The following FGFR2 variants were observed in gnomAD, a reference collection of about 807,000 sequenced individuals.
FGFR2 encodes the protein fibroblast growth factor receptor 2, also known as BEK fibroblast growth factor receptor.
In FGFR2, 19 loss-of-function variants were observed where a neutral mutation model predicts 95.9. The ratio of observed to expected loss-of-function variants is 0.20; its 90% CI spans 0.14 to 0.29. The LOEUF is 0.29. FGFR2 is among the 10% of genes least tolerant of loss of function. The pLI is 1.00. For missense variants in FGFR2, 707 were observed against 1,056.9 expected, an observed-to-expected ratio of 0.67 and a Z score of 4.59; for synonymous variants, 392 against 393.3, an observed-to-expected ratio of 1.00 and a Z score of 0.04.
intron 5 of FGFR2, among the ~76,000 whole-genome samples, chr10:121,540,952 A>G (rs1221394860): frequency 1.3e-5 from 2 of 152,076 alleles, no homozygotes; most frequent in Admixed American, 6.5e-5. Context: ...TGACACATTA[A>G]ATCTTGGCAT....
intron 4 of FGFR2, among the ~76,000 whole-genome samples, chr10:121,563,509 C>T (rs1169695691): frequency 6.6e-6 from 1 of 151,990 alleles, no homozygotes; most frequent in Non-Finnish European, 1.5e-5. Context: ...ATCCCAATAC[C>T]CTATGTACAA....
intron 2 of FGFR2, among the ~76,000 whole-genome samples, chr10:121,568,910 G>T (rs907266422): frequency 1.1e-4 from 16 of 152,146 alleles, no homozygotes; most frequent in African/African-American, 3.9e-4. Flanking sequence ...CTGGTGAAGG[G>T]TGCTGCCCTG....
chr10:121,501,319 T>C (rs2134019529), intron 10 of FGFR2, among the ~76,000 whole-genome samples: 1 of 152,322 alleles, frequency 6.6e-6, no homozygotes, highest in Admixed American at 6.5e-5. Flanking sequence ...ACTGTTCTTA[T>C]TTTTTTGTCC....
intron 14 of FGFR2, 78 bp downstream of exon 14, chr10:121,487,913 A>G: frequency 6.3e-7 from 1 of 1,589,586 alleles, no homozygotes. Flanking sequence ...CCAGCTCTCA[A>G]CATTGACGGC....
In FGFR2 at chr10:121,593,941, G is replaced by A. The variant is rs1863068949; in HGVS notation, c.-124C>T. On this transcript the variant is annotated 5_prime_UTR_variant, in exon 2 of 18. Coordinates refer to ENST00000358487, the MANE Select transcript of FGFR2 (RefSeq NM_000141.5). ...TCAGCCTGCGGTGGGCTCAGGAACC[G>A]AGGCGCTGCCGCTGCTGCTGCAGTC... 1.0e-5 allele frequency: 9 copies of A among 867,106 alleles called. No individual in the cohort carries two copies. Among genetic ancestry groups the A allele is most frequent in the South Asian group, 4.2e-5 (3 of 72,046 alleles). 53.7% of individuals were successfully genotyped at this position (867,106 alleles called of 1,614,324 possible).
At chr10:121,572,223 C>T (rs1350702821) in intron 2 of FGFR2, among the ~76,000 whole-genome samples, 2 of 151,160 alleles carry the variant, frequency 1.3e-5, no homozygotes, top group Admixed American at 1.3e-4. Flanking sequence ...ACACAGGGGG[C>T]TGAGGTAGGA....
intron 5 of FGFR2, among the ~76,000 whole-genome samples, chr10:121,550,389 C>G (rs1351580352): frequency 6.6e-6 from 1 of 152,214 alleles, no homozygotes; most frequent in Admixed American, 6.5e-5. Context: ...GGTGCTCAAT[C>G]AATGTCTGCT....
At chr10:121,491,018 G>C (rs1846060805) in intron 13 of FGFR2, among the ~76,000 whole-genome samples, 1 of 152,204 alleles carries the variant, frequency 6.6e-6, no homozygotes, top group South Asian at 2.1e-4. Flanking sequence ...GAACTTCCAA[G>C]CCCCGGGCCA....
chr10:121,533,216 C>A (rs779772744), intron 6 of FGFR2, among the ~76,000 whole-genome samples: 17 of 152,212 alleles, frequency 1.1e-4, no homozygotes, highest in Non-Finnish European at 2.2e-4. Context: ...TGGTGAAACC[C>A]CATCTCTACT....
intron 2 of FGFR2, among the ~76,000 whole-genome samples, chr10:121,585,812 T>TATCGTGG (rs1342643527): frequency 6.6e-6 from 1 of 152,220 alleles, no homozygotes; most frequent in East Asian, 1.9e-4. Flanking sequence ...ATGTCCACGA[T>TATCGTGG]ATATATTCAG....
intron 5 of FGFR2, among the ~76,000 whole-genome samples, chr10:121,540,769 G>GC (rs1240981682): frequency 6.6e-6 from 1 of 152,112 alleles, no homozygotes; most frequent in African/African-American, 2.4e-5. Context: ...AGTTCTTTGA[G>GC]CCCCCGCTCA....
chr10:121,578,248 T>C (rs1301852331), intron 2 of FGFR2, among the ~76,000 whole-genome samples: 1 of 152,116 alleles, frequency 6.6e-6, no homozygotes, highest in Non-Finnish European at 1.5e-5. Context: ...TCATGGCGCA[T>C]TGAGGCTTGG....
At chr10:121,538,450 G>T (rs1300396744) in intron 6 of FGFR2, 142 bp downstream of exon 6, 3 of 1,258,262 alleles carry the variant, frequency 2.4e-6, no homozygotes, top group South Asian at 1.2e-5. Flanking sequence ...AAGCAGCCTT[G>T]TAAAATGATA....
chr10:121,529,252 G>T (rs1851787328), intron 6 of FGFR2, among the ~76,000 whole-genome samples: 1 of 152,118 alleles, frequency 6.6e-6, no homozygotes, highest in South Asian at 2.1e-4. Flanking sequence ...GGGATTACAG[G>T]CACACAACAC....
intron 2 of FGFR2, chr10:121,583,316 C>T (rs1032921235): frequency 1.3e-5 from 2 of 152,290 alleles, no homozygotes; most frequent in Non-Finnish European, 2.9e-5. Context: ...GACATAATAT[C>T]CAAGTGGCAA....
intron 2 of FGFR2, among the ~76,000 whole-genome samples, chr10:121,577,018 C>T (rs1859887825): frequency 6.7e-6 from 1 of 148,174 alleles, no homozygotes; most frequent in Non-Finnish European, 1.5e-5. Context: ...GCCTATAGTC[C>T]CAGCTACTCG....
In FGFR2 at chr10:121,483,655, C is replaced by G. The variant is rs768481584; in HGVS notation, c.2301+43G>C. The G allele has an allele frequency of 2.1e-6, 3 of 1,445,356 alleles. No individual in the cohort carries two copies. The Admixed American group carries it at 5.1e-5, about 25-fold the overall frequency. 89.5% of individuals were successfully genotyped at this position (1,445,356 alleles called of 1,614,324 possible). Reference sequence around the variant, plus strand: ...TGTGTAAAACACTACGCATGTCTCACAAGACAACCAAGGACAAGGGGCTTC... The same window carrying G: ...TGTGTAAAACACTACGCATGTCTCAGAAGACAACCAAGGACAAGGGGCTTC... On this transcript the variant is annotated intron_variant, in intron 17 of 17. Coordinates refer to ENST00000358487, the MANE Select transcript of FGFR2 (RefSeq NM_000141.5).
intron 4 of FGFR2, among the ~76,000 whole-genome samples, chr10:121,560,882 T>C (rs1269844047): frequency 3.3e-5 from 5 of 152,110 alleles, no homozygotes; most frequent in Admixed American, 6.5e-5. Context: ...TCTGAGGCAG[T>C]GGGTCTGAGG....
chr10:121,522,594 T>A (rs2134355536), intron 6 of FGFR2, among the ~76,000 whole-genome samples: 1 of 152,274 alleles, frequency 6.6e-6, no homozygotes, highest in African/African-American at 2.4e-5. Context: ...GTAGTTCTCA[T>A]GCTTAGCATT....
Sources: gnomAD v4.1 joint callset for allele counts (sites outside exome capture counted in the v4.1 genomes callset) on GRCh38, gnomAD v4.1.1 for gene constraint, MANE v1.5 for transcripts, NCBI Gene and HGNC (gene_info 2026-07-23, HGNC 2026-07-21) for gene names.